The following CDH13 variants were observed in gnomAD, a reference collection of about 807,000 sequenced individuals.
The protein encoded by CDH13 is cadherin-13.
Under a neutral mutation model 63.8 loss-of-function variants are expected in CDH13, and 24 were observed. The ratio of observed to expected loss-of-function variants is 0.38; its 90% CI spans 0.27 to 0.53. The LOEUF is 0.53. Among genes scored for constraint, CDH13 ranks in the 20% least tolerant of loss-of-function variants. The pLI, the probability that CDH13 is intolerant of heterozygous loss-of-function variation, is 0.85. For missense variants in CDH13, 1,049 were observed against 903.1 expected (o/e 1.16, Z -2.07); for synonymous variants, 503 against 355.3 (o/e 1.42, Z -4.67).
intron 1 of CDH13, among the ~76,000 whole-genome samples, chr16:82,767,563 T>C (rs2035101738): frequency 6.6e-6 from 1 of 152,206 alleles, no homozygotes. Flanking sequence ...GCCAAACACA[T>C]TGTGTGCTCC....
At chr16:83,175,251 A>G (rs1341957957) in intron 4 of CDH13, among the ~76,000 whole-genome samples, 1 of 152,146 alleles carries the variant, frequency 6.6e-6, no homozygotes, top group Non-Finnish European at 1.5e-5. Flanking sequence ...GGTTTGGGAC[A>G]GAAGAAATAA....
chr16:83,589,282 C>CG (rs1555579638), intron 7 of CDH13, among the ~76,000 whole-genome samples: 22 of 124,738 alleles, frequency 1.8e-4, no homozygotes, highest in Admixed American at 1.3e-3. Context: ...TCCCTTTCCC[C>CG]CCCCCGGACC....
rs114015729 is a variant in CDH13, at chr16:83,770,058, G to A, written c.1682-9910G>A. Among the ~76,000 whole-genome samples the A allele has an allele frequency of 3.3e-3, 509 of 152,176 alleles. 2 individuals are homozygous for A. Among genetic ancestry groups the A allele is most frequent in the African/African-American group, 0.012 (494 of 41,498 alleles). On this transcript the variant is annotated intron_variant, in intron 11 of 13. Coordinates refer to ENST00000567109, the MANE Select transcript of CDH13 (RefSeq NM_001257.5). ...GCATGCAATTCCCGTCAACCCTGTG[G>A]GGATGGTTTCAAAACCTGACCCTGT...
At chr16:82,712,616 G>C (rs931150633) in intron 1 of CDH13, among the ~76,000 whole-genome samples, 12 of 152,162 alleles carry the variant, frequency 7.9e-5, no homozygotes, top group African/African-American at 2.9e-4. Context: ...CAGCAGTAAA[G>C]TGTTCCATAA....
intron 2 of CDH13, among the ~76,000 whole-genome samples, chr16:82,921,091 T>C (rs2042139606): frequency 6.6e-6 from 1 of 152,232 alleles, no homozygotes; most frequent in Admixed American, 6.5e-5. Context: ...CCTAGTTGGT[T>C]ATTTTCCTTG....
chr16:83,753,953 T>C (rs28597748), intron 11 of CDH13, among the ~76,000 whole-genome samples: 1 of 122,506 alleles, frequency 8.2e-6, no homozygotes, highest in Admixed American at 8.2e-5. Context: ...AAGAAAACCT[T>C]TTTTTTTCTC....
At chr16:83,500,951 C>A (rs1468719876) in intron 7 of CDH13, among the ~76,000 whole-genome samples, 1 of 152,184 alleles carries the variant, frequency 6.6e-6, no homozygotes, top group South Asian at 2.1e-4. Flanking sequence ...GAATCATGGC[C>A]TCCGTTAATG....
intron 7 of CDH13, among the ~76,000 whole-genome samples, chr16:83,509,982 C>T (rs906035202): frequency 6.6e-6 from 1 of 152,126 alleles, no homozygotes; most frequent in African/African-American, 2.4e-5. Flanking sequence ...GCCAGCGTAC[C>T]TCCTTGTGTC....
intron 5 of CDH13, among the ~76,000 whole-genome samples, chr16:83,339,571 G>T (rs1440452566): frequency 6.6e-6 from 1 of 152,064 alleles, no homozygotes; most frequent in Non-Finnish European, 1.5e-5. Flanking sequence ...CAAAAACCAG[G>T]ATACGGAGAG....
chr16:83,204,566 A>G (rs1390452214), intron 4 of CDH13, among the ~76,000 whole-genome samples: 2 of 152,170 alleles, frequency 1.3e-5, no homozygotes, highest in African/African-American at 4.8e-5. Context: ...TGAGGCTCAG[A>G]GAGGCCACAC....
At chr16:82,878,057 T>A (rs2040567825) in intron 2 of CDH13, among the ~76,000 whole-genome samples, 1 of 152,062 alleles carries the variant, frequency 6.6e-6, no homozygotes, top group Admixed American at 6.6e-5. Flanking sequence ...AATACATATG[T>A]GCAGCTTTGA....
At chr16:83,432,144 A>C (rs1396940359) in intron 6 of CDH13, among the ~76,000 whole-genome samples, 1 of 152,148 alleles carries the variant, frequency 6.6e-6, no homozygotes, top group Non-Finnish European at 1.5e-5. Flanking sequence ...ATTGTGGTAT[A>C]TTGCCAGTTG....
intron 7 of CDH13, among the ~76,000 whole-genome samples, chr16:83,544,670 A>T (rs574869653): frequency 6.6e-6 from 1 of 152,216 alleles, no homozygotes; most frequent in Admixed American, 6.5e-5. Flanking sequence ...TATTGAATGC[A>T]TATCACTTTC....
chr16:83,300,069 A>T (rs903977549), intron 5 of CDH13, among the ~76,000 whole-genome samples: 3 of 152,220 alleles, frequency 2.0e-5, no homozygotes, highest in Non-Finnish European at 4.4e-5. Context: ...TGTTCATTAG[A>T]TGCAAGTCAC....
intron 6 of CDH13, among the ~76,000 whole-genome samples, chr16:83,375,875 T>TA (rs1331791908): frequency 1.3e-5 from 2 of 151,042 alleles, no homozygotes; most frequent in African/African-American, 4.9e-5. Context: ...TGGCAGGGAG[T>TA]AGAAAGGGCT....
chr16:83,364,713 A>G (rs1261081205), intron 6 of CDH13, among the ~76,000 whole-genome samples: 1 of 152,204 alleles, frequency 6.6e-6, no homozygotes, highest in African/African-American at 2.4e-5. Flanking sequence ...TGTATCAGCC[A>G]CTGTTCTCTA....
At chr16:82,731,633 G>C (rs2033407749) in intron 1 of CDH13, among the ~76,000 whole-genome samples, 1 of 152,202 alleles carries the variant, frequency 6.6e-6, no homozygotes, top group Non-Finnish European at 1.5e-5. Flanking sequence ...AATCAACATT[G>C]ATATGGGAAC....
intron 7 of CDH13, among the ~76,000 whole-genome samples, chr16:83,542,712 C>A (rs967415066): frequency 6.6e-6 from 1 of 152,204 alleles, no homozygotes; most frequent in Non-Finnish European, 1.5e-5. Context: ...GCAGAAGCAT[C>A]CACCACTCCA....
intron 3 of CDH13, among the ~76,000 whole-genome samples, chr16:83,078,605 C>T (rs2033019278): frequency 6.6e-6 from 1 of 152,220 alleles, no homozygotes; most frequent in Non-Finnish European, 1.5e-5. Context: ...AGTACCGGTC[C>T]ATGGCCGAGG....
Sources: allele counts gnomAD v4.1 joint callset (sites outside exome capture counted in the v4.1 genomes callset), GRCh38; gene constraint gnomAD v4.1.1; transcripts MANE v1.5; gene names NCBI Gene and HGNC (gene_info 2026-07-23, HGNC 2026-07-21).